CLPB: variants seen among roughly 807,000 people sequenced by gnomAD.
CLPB encodes the protein mitochondrial disaggregase.
A neutral mutation model predicts 78.4 loss-of-function variants in CLPB; 40 were observed. The ratio of observed to expected loss-of-function variants is 0.51; its 90% CI spans 0.40 to 0.66. The LOEUF (loss-of-function observed/expected upper bound fraction) is 0.66. Among genes scored for constraint, CLPB ranks in the 30% least tolerant of loss-of-function variants. The pLI is 0.00. For missense variants in CLPB, 780 were observed against 886.9 expected, an observed-to-expected ratio of 0.88 and a Z score of 1.53; for synonymous variants, 333 against 348.0, an observed-to-expected ratio of 0.96 and a Z score of 0.48.
In CLPB at chr11:72,307,220, A is replaced by G. The variant is rs1346592072; in HGVS notation, c.1101T>C (p.Tyr367=). ...TTACCTTTTTAGCATCTTTGTGCAT[A>G]TATTTGGCTGTCTGCTTGGCCAGCT... The part of the protein sequence containing the change: ...KTELAKQTAK[Y]MHKDAKKGFI... Residue 367 remains tyrosine, a synonymous_variant, in exon 9 of 16, where the codon TAT becomes TAC. Transcript: ENST00000538039. 1 of 1,614,096 alleles carries G rather than the reference A, an allele frequency of 6.2e-7. No homozygotes were observed. Among genetic ancestry groups the G allele is most frequent in the South Asian group, 1.1e-5 (1 of 91,076 alleles).
chr11:72,369,198 T>C (rs955902789), intron 4 of CLPB, among the ~76,000 whole-genome samples: 6 of 152,130 alleles, frequency 3.9e-5, no homozygotes, highest in African/African-American at 1.2e-4. Context: ...CAGGGGGTGC[T>C]TTCCAGAGCC....
intron 2 of CLPB, among the ~76,000 whole-genome samples, chr11:72,425,346 G>A (rs1309724709): frequency 6.6e-6 from 1 of 152,126 alleles, no homozygotes; most frequent in Non-Finnish European, 1.5e-5. Context: ...CTCTGAATAT[G>A]CACTCGTAAG....
chr11:72,302,006 CT>C (rs1439080910), intron 10 of CLPB, 42 bp from the exon 11 acceptor site: 24 of 1,602,784 alleles, frequency 1.5e-5, no homozygotes, highest in Non-Finnish European at 2.0e-5. Flanking sequence ...CCTTTCTGTG[CT>C]TTTAGTTTCC....
chr11:72,362,122 T>C (rs548303334), intron 4 of CLPB, among the ~76,000 whole-genome samples: 2 of 152,358 alleles, frequency 1.3e-5, no homozygotes, highest in South Asian at 4.1e-4. Flanking sequence ...GTAAATACTA[T>C]TCGACTGCCT....
Position 72,380,281 on chromosome 11 carries a change from C to G in CLPB, c.646G>C (p.Val216Leu). 1 of 1,611,874 alleles carries G rather than the reference C, an allele frequency of 6.2e-7. No individual in the cohort carries two copies. The highest frequency in any genetic ancestry group is 1.7e-5 in the Admixed American group (1 of 60,028). ...GAGAAGCAGGACAGCCCACACTTAC[C>G]TTCCAAAGAATGGATTCCCTGTTCC... ...AKEQGIHSLEVLITREDDFNN... is the reference protein window; with the variant it reads ...AKEQGIHSLELLITREDDFNN... The change falls in exon 4 of 16, where the codon GTC (valine) becomes CTC (leucine). Residue 216 changes from valine (V) to leucine (L), a missense_variant and splice_region_variant. Physicochemically the swap from Val to Leu is conservative, Grantham distance 32. Transcript: ENST00000538039.
intron 2 of CLPB, 34 bp downstream of exon 2, chr11:72,430,278 T>C (rs374184593): frequency 1.2e-4 from 194 of 1,600,486 alleles, no homozygotes; most frequent in Non-Finnish European, 1.6e-4. Flanking sequence ...CAGCCTCTCC[T>C]GTAGGGGAGA....
Position 72,417,484 on chromosome 11 carries a change from G to A in CLPB, c.455+12828C>T, listed in dbSNP as rs557545784. Among the ~76,000 whole-genome samples, 5 of 152,254 alleles carry A rather than the reference G, an allele frequency of 3.3e-5. No individual in the cohort carries two copies. In the East Asian group the frequency reaches 5.8e-4, roughly 18 times the overall value. ...TGGAACCAGAGTTTTCTGAGGGTCC[G>A]GGGTGGGGTGGGAGAGTGATAGAAC... On this transcript the variant is annotated intron_variant, in intron 2 of 15. Transcript: ENST00000538039.
intron 2 of CLPB, among the ~76,000 whole-genome samples, chr11:72,414,068 G>C (rs1046101688): frequency 6.6e-6 from 1 of 152,132 alleles, no homozygotes; most frequent in African/African-American, 2.4e-5. Flanking sequence ...TGCCAGAAAG[G>C]ATGGGCCAGA....
chr11:72,349,027 GA>G (rs1950565191), intron 5 of CLPB, among the ~76,000 whole-genome samples: 1 of 152,244 alleles, frequency 6.6e-6, no homozygotes, highest in South Asian at 2.1e-4. Flanking sequence ...GAGGAACTGA[GA>G]ATAGGGATGA....
intron 5 of CLPB, among the ~76,000 whole-genome samples, chr11:72,355,882 G>A (rs1300652262): frequency 6.6e-6 from 1 of 152,256 alleles, no homozygotes; most frequent in Non-Finnish European, 1.5e-5. Flanking sequence ...ACTGTTCTGT[G>A]TGGGCCCTGT....
chr11:72,378,679 A>C (rs2135673128), intron 4 of CLPB, among the ~76,000 whole-genome samples: 1 of 152,334 alleles, frequency 6.6e-6, no homozygotes, highest in African/African-American at 2.4e-5. Context: ...CTGAATGAGA[A>C]GAGGATGGCC....
intron 7 of CLPB, among the ~76,000 whole-genome samples, chr11:72,313,602 T>C (rs1025930178): frequency 1.3e-5 from 2 of 152,094 alleles, no homozygotes; most frequent in African/African-American, 2.4e-5. Context: ...GATAAAGGTA[T>C]TCCTAGGAAT....
intron 4 of CLPB, among the ~76,000 whole-genome samples, chr11:72,368,603 A>G (rs1950986376): frequency 6.6e-6 from 1 of 152,218 alleles, no homozygotes. Context: ...ACATCAAATT[A>G]GTAAACATTT....
At chr11:72,376,674 T>G (rs1333316366) in intron 4 of CLPB, among the ~76,000 whole-genome samples, 1 of 151,950 alleles carries the variant, frequency 6.6e-6, no homozygotes, top group Non-Finnish European at 1.5e-5. Context: ...CAGTTGTTTG[T>G]TTTTGTTTTT....
chr11:72,299,734 C>A (rs1415267661), intron 11 of CLPB, among the ~76,000 whole-genome samples: 1 of 152,180 alleles, frequency 6.6e-6, no homozygotes, highest in African/African-American at 2.4e-5. Context: ...CCTCAAAGAG[C>A]CTAAATCGAG....
chr11:72,302,082 G>A (rs890457025), intron 10 of CLPB, 118 bp from the exon 11 acceptor site: 27 of 1,180,230 alleles, frequency 2.3e-5, no homozygotes, highest in Non-Finnish European at 3.2e-5. Flanking sequence ...CAACAGAGAT[G>A]ATTGGCTGTC....
chr11:72,354,610 C>T, intron 5 of CLPB: 1 of 345,030 alleles, frequency 2.9e-6, no homozygotes, highest in Admixed American at 4.7e-5. Context: ...TCCTCCCTCC[C>T]TCCCACCACA....
Position 72,434,097 on chromosome 11 carries a change from G to C in CLPB, c.378C>G (p.Cys126Trp). ...CCTTGTTGGACGGACTCTTGCTGTAGCAATGAACCACCAGCGCTGCGGCCA... is the reference window on the plus strand; with the variant it reads ...CCTTGTTGGACGGACTCTTGCTGTACCAATGAACCACCAGCGCTGCGGCCA... ...CALAAALVVH[C>W]YSKSPSNKDA... Residue 126 changes from cysteine to tryptophan, a missense_variant, in exon 1 of 16, where the codon TGC (cysteine) becomes TGG (tryptophan). Around this residue, in one of 3 missense-constraint regions of CLPB, gnomAD observed 417 missense variants for 414.7 expected, o/e 1.01. Coordinates refer to ENST00000538039, the MANE Select transcript of CLPB (RefSeq NM_001258392.3). 6.2e-7 allele frequency: 1 copy of C among 1,611,464 alleles called. No individual in the cohort carries two copies.
At chr11:72,355,459 G>A (rs1294030926) in intron 5 of CLPB, 1 of 152,178 alleles carries the variant, frequency 6.6e-6, no homozygotes, top group African/African-American at 2.4e-5. Context: ...ATGTCACAAT[G>A]ATAAGTACTT....
Sources: gnomAD v4.1 joint callset for allele counts (sites outside exome capture counted in the v4.1 genomes callset) on GRCh38, gnomAD v4.1.1 for gene constraint, gnomAD v4.1.1 regional missense constraint, MANE v1.5 for transcripts, NCBI Gene and HGNC (gene_info 2026-07-23, HGNC 2026-07-21) for gene names.